PRKAG2: variants seen among roughly 807,000 people sequenced by gnomAD.
The protein encoded by PRKAG2 is protein kinase AMP-activated non-catalytic subunit gamma 2.
PRKAG2 carries 26 observed loss-of-function variants against 69.6 expected under a neutral mutation model. That is an observed-to-expected ratio of 0.37 (90% CI 0.27 to 0.52). The LOEUF (loss-of-function observed/expected upper bound fraction) is 0.52. Ranked by LOEUF, PRKAG2 falls within the 20% of genes least tolerant of loss-of-function variation. The probability of loss-of-function intolerance (pLI) is 0.90; values close to 1 mark genes in which losing one functional copy is unlikely to be tolerated. For synonymous variants in PRKAG2, 293 were observed against 285.0 expected (o/e 1.03, Z -0.28); for missense variants, 557 against 740.0 (o/e 0.75, Z 2.87).
Position 151,597,689 on chromosome 7 carries a change from A to G in PRKAG2, c.755-2235T>C, listed in dbSNP as rs553628152. 2.0e-5 allele frequency among the ~76,000 whole-genome samples: 3 copies of G among 152,312 alleles called. No homozygotes were observed. The East Asian group carries it at 5.8e-4, about 29-fold the overall frequency. On this transcript the variant is annotated intron_variant, in intron 5 of 15. Transcript: ENST00000287878. Reference sequence around the variant, plus strand: ...ACAGGTATATGAAAAAATGTCCACCATCGCTAGTCACTGGAGAAATGCAAA... The same window carrying G: ...ACAGGTATATGAAAAAATGTCCACCGTCGCTAGTCACTGGAGAAATGCAAA...
chr7:151,693,040 G>A (rs1835948524), intron 3 of PRKAG2, among the ~76,000 whole-genome samples: 1 of 152,166 alleles, frequency 6.6e-6, no homozygotes, highest in South Asian at 2.1e-4. Context: ...GAGCTGAAAG[G>A]TTAGGCTGGG....
Position 151,803,963 on chromosome 7 carries a change from T to C in PRKAG2, c.115-17422A>G, listed in dbSNP as rs1428635465. Among the ~76,000 whole-genome samples, 13 of 150,064 alleles carry C rather than the reference T, an allele frequency of 8.7e-5. No individual in the cohort carries two copies. The East Asian group carries it at 2.5e-3, about 29-fold the overall frequency. Reference sequence around the variant, plus strand: ...AAAAAAAAAAAAAAAAAAAGTAAATTAATAGGATTCAAAAGTCAAAACATA... The same window carrying C: ...AAAAAAAAAAAAAAAAAAAGTAAATCAATAGGATTCAAAAGTCAAAACATA... On this transcript the variant is annotated intron_variant, in intron 1 of 15. Coordinates refer to ENST00000287878, the MANE Select transcript of PRKAG2 (RefSeq NM_016203.4).
At position 151,604,483 on chromosome 7, in the gene PRKAG2, A is replaced by G. The variant is rs544160835; in HGVS notation, c.755-9029T>C. Among the ~76,000 whole-genome samples the G allele has an allele frequency of 1.2e-4, 18 of 152,072 alleles. No individual in the cohort carries two copies. In the South Asian group the frequency reaches 2.5e-3, roughly 21 times the overall value. On this transcript the variant is annotated intron_variant, in intron 5 of 15. Transcript: ENST00000287878. Reference sequence around the variant, plus strand: ...GAGATCCCGTTTCTACAAAACATAAAAAAAATTAGCCAGGTGTGGTGGTGC... The same window carrying G: ...GAGATCCCGTTTCTACAAAACATAAGAAAAATTAGCCAGGTGTGGTGGTGC...
intron 1 of PRKAG2, among the ~76,000 whole-genome samples, chr7:151,853,554 T>G (rs979436800): frequency 6.6e-6 from 1 of 152,036 alleles, no homozygotes; most frequent in Non-Finnish European, 1.5e-5. Flanking sequence ...GTCAGGAGAT[T>G]GAGACCATCT....
At position 151,641,244 on chromosome 7, in the gene PRKAG2, C is replaced by CTTTTTTTTTTTTT. The variant is rs374667332; in HGVS notation, c.685-9119_685-9107dup. Among the ~76,000 whole-genome samples the CTTTTTTTTTTTTT allele has an allele frequency of 1.2e-4, 13 of 105,690 alleles. No individual in the cohort carries two copies. In the East Asian group the frequency reaches 1.4e-3, roughly 11 times the overall value. The allele number at this position is 105,690 out of a possible 152,430, so 69.3% of individuals were successfully genotyped here. A position where few individuals can be genotyped will look rare whatever the true frequency, so the allele number is the denominator to read the frequency against. On this transcript the variant is annotated intron_variant, in intron 4 of 15. Coordinates refer to ENST00000287878, the MANE Select transcript of PRKAG2 (RefSeq NM_016203.4). ...AGCTTTTTTGTTCCCTTCTTTTTTC[C>CTTTTTTTTTTTTT]TTTTTTTTTTTTTTTTTTTTTTGAG...
At chr7:151,716,166 T>C (rs1478384699) in intron 3 of PRKAG2, among the ~76,000 whole-genome samples, 1 of 152,144 alleles carries the variant, frequency 6.6e-6, no homozygotes, top group Non-Finnish European at 1.5e-5. Flanking sequence ...CATTTACAAC[T>C]ATACACAAAT....
rs542909760 is a variant in PRKAG2, at chr7:151,814,585, C to T, written c.115-28044G>A. On this transcript the variant is annotated intron_variant, in intron 1 of 15. Coordinates refer to ENST00000287878, the MANE Select transcript of PRKAG2 (RefSeq NM_016203.4). The surrounding 1 kb of genome is among the most constrained non-coding windows in gnomAD (Gnocchi z 4.8). The stretch of plus-strand genomic sequence containing the variant: ...CCATCAGAGAAGGGGTTTCCCAGCC[C>T]CTTCAGCACAGGCAATTTCTAGGGT... 46 of 1,231,766 alleles carry T rather than the reference C, an allele frequency of 3.7e-5. No individual in the cohort carries two copies. The South Asian group carries it at 6.6e-4, about 18-fold the overall frequency. 76.3% of individuals were successfully genotyped at this position (1,231,766 alleles called of 1,614,324 possible).
chr7:151,740,815 G>T (rs2073829586), intron 3 of PRKAG2, among the ~76,000 whole-genome samples: 2 of 152,240 alleles, frequency 1.3e-5, no homozygotes, highest in South Asian at 4.2e-4. Flanking sequence ...GAAGAGGGGG[G>T]AACCCAGGCC....
intron 1 of PRKAG2, among the ~76,000 whole-genome samples, chr7:151,802,949 G>GATATTAT (rs1554605678): frequency 5.8e-4 from 60 of 103,050 alleles, no homozygotes; most frequent in Middle Eastern, 4.8e-3. Flanking sequence ...TAAGCAATAT[G>GATATTAT]ATATATATAT....
rs202200501 is a variant in PRKAG2 at position 151,675,536 on chromosome 7, G to A, written c.568C>T (p.Arg190Cys). 2.5e-6 allele frequency: 4 copies of A among 1,614,078 alleles called. No individual in the cohort carries two copies. Among genetic ancestry groups the A allele is most frequent in the East Asian group, 2.2e-5 (1 of 44,876 alleles). The change falls in exon 4 of 16, where the codon CGC (arginine) becomes TGC (cysteine). Residue 190 changes from arginine (R) to cysteine (C), a missense_variant. Around this residue, in one of 2 missense-constraint regions of PRKAG2, gnomAD observed 352 missense variants for 356.7 expected, o/e 0.99. Coordinates refer to ENST00000287878, the MANE Select transcript of PRKAG2 (RefSeq NM_016203.4). ...GGGGGGGAAGACGAGGCATAGATGC[G>A]ATTCTCTAACCGTTCAGGCTCGTGC... is the stretch of plus-strand genomic sequence containing the variant. ...YKHEPERLENRIYASSSPPDT... is the reference protein window; with the variant it reads ...YKHEPERLENCIYASSSPPDT...
chr7:151,677,683 C>T (rs1833159976), intron 3 of PRKAG2, among the ~76,000 whole-genome samples: 1 of 152,228 alleles, frequency 6.6e-6, no homozygotes, highest in African/African-American at 2.4e-5. Flanking sequence ...CCATAGCCTA[C>T]ATTCGTGCCA....
intron 1 of PRKAG2, among the ~76,000 whole-genome samples, chr7:151,811,736 T>C (rs1368701647): frequency 1.3e-5 from 2 of 152,180 alleles, no homozygotes; most frequent in African/African-American, 4.8e-5. Flanking sequence ...AGGGAAGGTA[T>C]TGAGCCTTGA....
At position 151,752,098 on chromosome 7, in the gene PRKAG2, G is replaced by A. The variant is rs114002580; in HGVS notation, c.466+29054C>T. Among the ~76,000 whole-genome samples the A allele has an allele frequency of 2.8e-3, 422 of 152,242 alleles. 1 individual carries two copies. The highest frequency in any genetic ancestry group is 0.01 in the Middle Eastern group (3 of 294). On this transcript the variant is annotated intron_variant, in intron 3 of 15. Coordinates refer to ENST00000287878, the MANE Select transcript of PRKAG2 (RefSeq NM_016203.4). ...GCCTGGAGAGGCTCCTGCTGGCCAC[G>A]TCTAGGACAATTTGAGCATCAAAAA...
chr7:151,714,407 C>T (rs886870674), intron 3 of PRKAG2, among the ~76,000 whole-genome samples: 3 of 145,066 alleles, frequency 2.1e-5, no homozygotes, highest in African/African-American at 5.2e-5. Context: ...GGTGGAGAGG[C>T]GGCAGGGCTT....
At chr7:151,851,761 T>C (rs1266474746) in intron 1 of PRKAG2, among the ~76,000 whole-genome samples, 2 of 152,194 alleles carry the variant, frequency 1.3e-5, no homozygotes, top group African/African-American at 4.8e-5. Flanking sequence ...TCCCTCCTCA[T>C]GGGTCCCCCT....
intron 4 of PRKAG2, among the ~76,000 whole-genome samples, chr7:151,647,003 C>T (rs79780320): frequency 0.048 from 7,302 of 152,292 alleles, 415 homozygotes; most frequent in East Asian, 0.2. Flanking sequence ...ATGATAGTGA[C>T]AAGCTCTCTC....
At chr7:151,801,433 A>G (rs1055181895) in intron 1 of PRKAG2, among the ~76,000 whole-genome samples, 2 of 152,168 alleles carry the variant, frequency 1.3e-5, no homozygotes, top group African/African-American at 4.8e-5. Flanking sequence ...GGCTGGGGCA[A>G]TGAGGACCAA....
intron 1 of PRKAG2, among the ~76,000 whole-genome samples, chr7:151,855,970 T>C (rs1395544138): frequency 6.6e-6 from 1 of 152,162 alleles, no homozygotes; most frequent in Non-Finnish European, 1.5e-5. Flanking sequence ...GAAGATAAAG[T>C]AAGGCGGTCT....
chr7:151,577,182 C>CT (rs1809156575), intron 6 of PRKAG2, among the ~76,000 whole-genome samples: 1 of 151,888 alleles, frequency 6.6e-6, no homozygotes, highest in African/African-American at 2.4e-5. Flanking sequence ...AACAAGCATA[C>CT]TTTCTCAGTT....
Sources: gnomAD v4.1 joint callset for allele counts (sites outside exome capture counted in the v4.1 genomes callset) on GRCh38, gnomAD v4.1.1 for gene constraint, gnomAD v4.1.1 regional missense constraint, Gnocchi (gnomAD v3.1) non-coding constraint, MANE v1.5 for transcripts, NCBI Gene and HGNC (gene_info 2026-07-23, HGNC 2026-07-21) for gene names.